Variants in HOOK3 observed in about 807,000 individuals in gnomAD.
The protein encoded by HOOK3 is hook microtubule tethering protein 3, also known as protein Hook homolog 3.
HOOK3 carries 24 observed loss-of-function variants against 116.3 expected under a neutral mutation model. The observed-to-expected ratio is 0.21, with a 90% CI of 0.15 to 0.29. The LOEUF (loss-of-function observed/expected upper bound fraction) is 0.29. Ranked by LOEUF, HOOK3 falls within the 10% of genes least tolerant of loss-of-function variation. HOOK3 has a pLI of 1.00. For synonymous variants in HOOK3, 275 were observed against 283.0 expected (o/e 0.97, Z 0.28); for missense variants, 632 against 830.2 (o/e 0.76, Z 2.93).
rs1038468113 is a variant in HOOK3 at position 43,018,458 on chromosome 8, G to A, written c.2117G>A (p.Arg706Lys). ...CAGAGGCAAGCGACCAGCAGCAGAA[G>A]ATCATACCCAGGCCACGTGCAGCCG... is the stretch of plus-strand genomic sequence containing the variant. ...ARQRQATSSR[R>K]SYPGHVQPAT... The change falls in exon 22 of 22, where the codon AGA (arginine) becomes AAA (lysine). Residue 706 changes from arginine (R) to lysine (K), a missense_variant. Arg to Lys is a conservative substitution (Grantham distance 26). This residue lies in a region of HOOK3 where 483 missense variants were observed against 648.1 expected (regional missense o/e 0.75). Transcript: ENST00000307602. The A allele has an allele frequency of 1.2e-6, 2 of 1,613,632 alleles. No individual in the cohort carries two copies. Among genetic ancestry groups the A allele is most frequent in the African/African-American group, 2.7e-5 (2 of 74,918 alleles).
At chr8:42,908,556 A>AGAAAAG (rs1807359725) in intron 2 of HOOK3, among the ~76,000 whole-genome samples, 1 of 152,270 alleles carries the variant, frequency 6.6e-6, no homozygotes, top group African/African-American at 2.4e-5. Context: ...ACACCCAATG[A>AGAAAAG]GAAAAGGACA....
chr8:42,914,323 G>A (rs1807490110), intron 2 of HOOK3, among the ~76,000 whole-genome samples: 2 of 152,166 alleles, frequency 1.3e-5, no homozygotes, highest in South Asian at 4.2e-4. Flanking sequence ...TTGCCTCTCA[G>A]TTTCTTGAGC....
chr8:42,904,014 C>A (rs1807250843), intron 1 of HOOK3, among the ~76,000 whole-genome samples: 1 of 152,134 alleles, frequency 6.6e-6, no homozygotes, highest in South Asian at 2.1e-4. Flanking sequence ...AGTAGCCACT[C>A]ACCCACCGTT....
At position 42,905,328 on chromosome 8, in the gene HOOK3, G is replaced by C. The variant is rs865893336; in HGVS notation, c.58-845G>C. Among the ~76,000 whole-genome samples, 124 of 141,968 alleles carry C rather than the reference G, an allele frequency of 8.7e-4. 2 individuals carry two copies. In the East Asian group the frequency reaches 0.017, roughly 19 times the overall value. 93.1% of individuals were successfully genotyped at this position (141,968 alleles called of 152,430 possible). A position where few individuals can be genotyped will look rare whatever the true frequency, so the allele number is the denominator to read the frequency against. On this transcript the variant is annotated intron_variant, in intron 1 of 21. Transcript: ENST00000307602. ...TTTTTTTTCCTGTTTCTTTTTTTGGGGGGGGGGGTGCCGTGGTGGAGGGGA... is the reference window on the plus strand; with the variant it reads ...TTTTTTTTCCTGTTTCTTTTTTTGGCGGGGGGGGTGCCGTGGTGGAGGGGA...
chr8:42,930,180 CT>C lies in HOOK3; in HGVS notation c.267+14del. 6.6e-7 allele frequency: 1 copy of C among 1,525,318 alleles called. No individual in the cohort carries two copies. The highest frequency in any genetic ancestry group is 8.8e-7 in the Non-Finnish European group (1 of 1,133,258). The allele number at this position is 1,525,318 out of a possible 1,614,324, so 94.5% of individuals were successfully genotyped here. On this transcript the variant is annotated intron_variant, in intron 4 of 21. Transcript: ENST00000307602. The stretch of plus-strand genomic sequence containing the variant: ...TTGGATTATAATCATGAGGTAAAGA[CT>C]TTTTTCTCATTCTGCTTAGAAGTGT...
At chr8:42,904,801 A>G (rs1335822847) in intron 1 of HOOK3, among the ~76,000 whole-genome samples, 1 of 151,694 alleles carries the variant, frequency 6.6e-6, no homozygotes, top group African/African-American at 2.4e-5. Flanking sequence ...TCTTACCCCT[A>G]CTCGATCTGT....
At chr8:42,905,344 G>T (rs1437105306) in intron 1 of HOOK3, among the ~76,000 whole-genome samples, 1 of 145,816 alleles carries the variant, frequency 6.9e-6, no homozygotes, top group South Asian at 2.2e-4. Flanking sequence ...GGGTGCCGTG[G>T]TGGAGGGGAT....
intron 17 of HOOK3, among the ~76,000 whole-genome samples, chr8:43,002,642 C>A (rs1020154325): frequency 6.6e-6 from 1 of 152,190 alleles, no homozygotes; most frequent in African/African-American, 2.4e-5. Context: ...GTATTGCCAG[C>A]TTAATCTATT....
chr8:42,996,780 T>G (rs1809277113), intron 15 of HOOK3, among the ~76,000 whole-genome samples: 1 of 152,192 alleles, frequency 6.6e-6, no homozygotes, highest in South Asian at 2.1e-4. Flanking sequence ...ATTGCTTCTT[T>G]GACCATCATT....
chr8:42,971,064 G>A (rs1432977465), intron 11 of HOOK3, among the ~76,000 whole-genome samples: 2 of 151,968 alleles, frequency 1.3e-5, no homozygotes, highest in African/African-American at 2.4e-5. Context: ...TGGGATTATA[G>A]GTGTGAGCCG....
chr8:42,921,285 G>T (rs1807652670), intron 2 of HOOK3, among the ~76,000 whole-genome samples: 1 of 152,008 alleles, frequency 6.6e-6, no homozygotes, highest in Admixed American at 6.6e-5. Flanking sequence ...TTTGGCTTTG[G>T]ATAGTCATCA....
chr8:42,943,395 G>T lies in HOOK3; in HGVS notation c.350G>T (p.Arg117Met). 1 of 1,571,344 alleles carries T rather than the reference G, an allele frequency of 6.4e-7. No homozygotes were observed. The highest frequency in any genetic ancestry group is 1.8e-5 in the Admixed American group (1 of 55,484). The stretch of plus-strand genomic sequence containing the variant: ...CATTCTGATGCAGCAGAGCTTGGAA[G>T]GATGCTTCAGCTCATCTTAGGCTGT... Reference protein sequence around the residue: ...GEHSDAAELGRMLQLILGCAV... With the variant: ...GEHSDAAELGMMLQLILGCAV... Residue 117 changes from arginine to methionine, a missense_variant, in exon 5 of 22, where the codon AGG (arginine) becomes ATG (methionine). Transcript: ENST00000307602.
chr8:42,906,736 TC>T (rs1807318942), intron 2 of HOOK3, among the ~76,000 whole-genome samples: 1 of 152,220 alleles, frequency 6.6e-6, no homozygotes, highest in Non-Finnish European at 1.5e-5. Context: ...ATTTGGTTGT[TC>T]ATTCATCTGC....
At chr8:42,933,425 A>G (rs1415369703) in intron 4 of HOOK3, among the ~76,000 whole-genome samples, 1 of 152,216 alleles carries the variant, frequency 6.6e-6, no homozygotes, top group Non-Finnish European at 1.5e-5. Flanking sequence ...TAAATAACCC[A>G]GTGGGGCCTG....
At chr8:42,964,664 T>C (rs1293085661) in intron 9 of HOOK3, among the ~76,000 whole-genome samples, 190 bp downstream of exon 9, 1 of 151,808 alleles carries the variant, frequency 6.6e-6, no homozygotes, top group Admixed American at 6.6e-5. Flanking sequence ...CCATCTCTAC[T>C]AAAAATACAA....
chr8:42,945,644 A>G (rs1808212751), intron 5 of HOOK3, among the ~76,000 whole-genome samples: 1 of 152,148 alleles, frequency 6.6e-6, no homozygotes, highest in Non-Finnish European at 1.5e-5. Flanking sequence ...TCATTCAGTT[A>G]TTTTATTGTG....
chr8:42,943,913 A>G lies in HOOK3; in HGVS notation c.400+468A>G, dbSNP rs1482724339. On this transcript the variant is annotated intron_variant, in intron 5 of 21. Coordinates refer to ENST00000307602, the MANE Select transcript of HOOK3 (RefSeq NM_032410.4). ...CTCTACTGTGGGGAAAAAGAGAGGG[A>G]AGAGTATCATTATATGCAATGTTTA... is the stretch of plus-strand genomic sequence containing the variant. 2.6e-5 allele frequency among the ~76,000 whole-genome samples: 4 copies of G among 152,136 alleles called. 1 individual carries two copies. Among genetic ancestry groups the G allele is most frequent in the Non-Finnish European group, 5.9e-5 (4 of 68,030 alleles).
intron 7 of HOOK3, among the ~76,000 whole-genome samples, chr8:42,958,083 C>T (rs1449735274): frequency 6.6e-6 from 1 of 152,168 alleles, no homozygotes; most frequent in Non-Finnish European, 1.5e-5. Flanking sequence ...CCACCAGCCT[C>T]GGCTTCCCAA....
chr8:42,981,053 A>ATT (rs35139387), intron 13 of HOOK3, among the ~76,000 whole-genome samples: 43 of 139,570 alleles, frequency 3.1e-4, no homozygotes, highest in South Asian at 2.1e-3. Context: ...GTAAATAATA[A>ATT]TTTTTTTTTT....
Sources: gnomAD v4.1 joint callset for allele counts (sites outside exome capture counted in the v4.1 genomes callset) on GRCh38, gnomAD v4.1.1 for gene constraint, gnomAD v4.1.1 regional missense constraint, MANE v1.5 for transcripts, NCBI Gene and HGNC (gene_info 2026-07-23, HGNC 2026-07-21) for gene names.